Variants in PCCA observed in about 807,000 individuals in gnomAD.
PCCA encodes the protein propionyl-CoA carboxylase alpha chain, mitochondrial.
PCCA carries 74 observed loss-of-function variants against 101.3 expected under a neutral mutation model. That is an observed-to-expected ratio of 0.73 (90% CI 0.61 to 0.89). The LOEUF (loss-of-function observed/expected upper bound fraction) is 0.89. Among genes scored for constraint, PCCA ranks in the 40% least tolerant of loss-of-function variants. The probability of loss-of-function intolerance (pLI) is 0.00; values close to 1 mark genes in which losing one functional copy is unlikely to be tolerated. For missense variants in PCCA, 891 were observed against 907.0 expected (o/e 0.98, Z 0.23); for synonymous variants, 294 against 313.6 (o/e 0.94, Z 0.66).
intron 18 of PCCA, among the ~76,000 whole-genome samples, chr13:100,367,239 C>T (rs1334543574): frequency 2.0e-5 from 3 of 152,140 alleles, no homozygotes; most frequent in African/African-American, 4.8e-5. Flanking sequence ...CTGCTTGATA[C>T]GGATTTTCTG....
At chr13:100,285,141 A>AT (rs1369832919) in intron 12 of PCCA, among the ~76,000 whole-genome samples, 6 of 152,178 alleles carry the variant, frequency 3.9e-5, no homozygotes, top group African/African-American at 1.4e-4. Flanking sequence ...GCCCTCAGAC[A>AT]TTAAAACAGT....
chr13:100,281,041 G>C (rs1023462000), intron 12 of PCCA, among the ~76,000 whole-genome samples: 2 of 152,118 alleles, frequency 1.3e-5, no homozygotes, highest in Non-Finnish European at 2.9e-5. Flanking sequence ...ATCCGCCTCG[G>C]TGATCACATC....
chr13:100,262,705 CCTT>C, intron 9 of PCCA, 21 bp from the exon 10 acceptor site: 1 of 1,004,306 alleles, frequency 1.0e-6, no homozygotes, highest in Non-Finnish European at 1.5e-6. Flanking sequence ...CCCCCCTCCT[CCTT>C]CTTCCTTCTT....
At chr13:100,356,781 T>G (rs1393323710) in intron 18 of PCCA, among the ~76,000 whole-genome samples, 2 of 152,202 alleles carry the variant, frequency 1.3e-5, no homozygotes, top group African/African-American at 4.8e-5. Flanking sequence ...ATAGTGGCAT[T>G]TTTCATAATA....
At chr13:100,443,227 GA>G (rs777231114) in intron 20 of PCCA, among the ~76,000 whole-genome samples, 21 of 152,150 alleles carry the variant, frequency 1.4e-4, no homozygotes, top group Admixed American at 3.9e-4. Flanking sequence ...ATAGTTGGGG[GA>G]AAAAATTAAA....
At chr13:100,111,143 C>G (rs2048272047) in intron 2 of PCCA, among the ~76,000 whole-genome samples, 1 of 147,428 alleles carries the variant, frequency 6.8e-6, no homozygotes, top group East Asian at 2.0e-4. Flanking sequence ...TCCCGAGTAG[C>G]TGAGATTAGA....
At chr13:100,165,303 A>G (rs1299485435) in intron 6 of PCCA, among the ~76,000 whole-genome samples, 1 of 152,150 alleles carries the variant, frequency 6.6e-6, no homozygotes, top group Non-Finnish European at 1.5e-5. Flanking sequence ...TATTGTTTTT[A>G]ATAACCACCA....
chr13:100,221,778 C>T (rs1272352468), intron 7 of PCCA, among the ~76,000 whole-genome samples: 1 of 122,314 alleles, frequency 8.2e-6, no homozygotes, highest in Admixed American at 9.8e-5. Context: ...GAGACGGAGT[C>T]TCACCCTGGA....
chr13:100,247,343 A>G (rs2061497940), intron 8 of PCCA, among the ~76,000 whole-genome samples: 1 of 150,896 alleles, frequency 6.6e-6, no homozygotes, highest in African/African-American at 2.4e-5. Flanking sequence ...CAGCCTCCCA[A>G]GTAGTTGGGA....
chr13:100,256,887 T>C (rs985820053), intron 8 of PCCA, among the ~76,000 whole-genome samples: 15 of 152,222 alleles, frequency 9.9e-5, no homozygotes, highest in Non-Finnish European at 1.3e-4. Flanking sequence ...AGTTTTACTG[T>C]ATAATAACTA....
chr13:100,158,430 A>G (rs564781032), intron 6 of PCCA, among the ~76,000 whole-genome samples: 1 of 152,208 alleles, frequency 6.6e-6, no homozygotes, highest in African/African-American at 2.4e-5. Context: ...GTCTATTTGA[A>G]CCACCTTGCT....
chr13:100,426,350 G>A (rs2079146914), intron 20 of PCCA, among the ~76,000 whole-genome samples: 1 of 143,576 alleles, frequency 7.0e-6, no homozygotes, highest in Non-Finnish European at 1.5e-5. Flanking sequence ...TTGAGGTTTA[G>A]CGTTTTAGGA....
chr13:100,162,237 C>A (rs1266554895), intron 6 of PCCA, among the ~76,000 whole-genome samples: 1 of 152,020 alleles, frequency 6.6e-6, no homozygotes, highest in Non-Finnish European at 1.5e-5. Context: ...TATAAGAAAA[C>A]AGTGGTCCCT....
intron 6 of PCCA, among the ~76,000 whole-genome samples, chr13:100,207,878 C>T (rs1202963381): frequency 1.2e-4 from 18 of 151,544 alleles, no homozygotes; most frequent in Admixed American, 3.9e-4. Flanking sequence ...ATTAGCTGGG[C>T]GTGGTGGCGC....
intron 21 of PCCA, among the ~76,000 whole-genome samples, chr13:100,458,363 C>T (rs1416302973): frequency 3.2e-5 from 2 of 63,328 alleles, no homozygotes; most frequent in Non-Finnish European, 6.1e-5. Flanking sequence ...CCCATCTCTA[C>T]ACACACACAC....
intron 19 of PCCA, among the ~76,000 whole-genome samples, chr13:100,383,773 T>C (rs1241866979): frequency 6.6e-6 from 1 of 152,188 alleles, no homozygotes; most frequent in African/African-American, 2.4e-5. Context: ...AGTATTCATA[T>C]AATTGAAATT....
At chr13:100,429,165 C>T (rs889126540) in intron 20 of PCCA, among the ~76,000 whole-genome samples, 2 of 151,978 alleles carry the variant, frequency 1.3e-5, no homozygotes, top group Non-Finnish European at 2.9e-5. Flanking sequence ...TTACAGTCAT[C>T]TGCTGATTTC....
intron 18 of PCCA, 79 bp downstream of exon 18, chr13:100,340,338 AGATGTGGCT>A (rs1236180429): frequency 1.0e-4 from 82 of 802,214 alleles, no homozygotes; most frequent in Non-Finnish European, 1.7e-4. Context: ...TACTAATAAA[AGATGTGGCT>A]GATCTCAGTT....
intron 6 of PCCA, among the ~76,000 whole-genome samples, chr13:100,183,927 G>A (rs1330376317): frequency 6.6e-6 from 1 of 152,144 alleles, no homozygotes; most frequent in African/African-American, 2.4e-5. Context: ...AAGAAACTTG[G>A]TATCATCTTT....
Sources: gnomAD v4.1 joint callset for allele counts (sites outside exome capture counted in the v4.1 genomes callset) on GRCh38, gnomAD v4.1.1 for gene constraint, MANE v1.5 for transcripts, NCBI Gene and HGNC (gene_info 2026-07-23, HGNC 2026-07-21) for gene names.